STARD13: variants seen among roughly 807,000 people sequenced by gnomAD.
The protein encoded by STARD13 is StAR related lipid transfer domain containing 13.
In STARD13, 62 loss-of-function variants were observed where a neutral mutation model predicts 106.4. The ratio of observed to expected loss-of-function variants is 0.58; its 90% CI spans 0.48 to 0.72. The LOEUF is 0.72. Ranked by LOEUF, STARD13 falls within the 30% of genes least tolerant of loss-of-function variation. The pLI is 0.00. For missense variants in STARD13, 1,387 were observed against 1,424.0 expected (o/e 0.97, Z 0.42); for synonymous variants, 565 against 553.0 (o/e 1.02, Z -0.31).
the STARD13 span, among the ~76,000 whole-genome samples, chr13:33,638,667 T>C: frequency 6.6e-6 from 1 of 152,158 alleles, no homozygotes; most frequent in Non-Finnish European, 1.5e-5. Flanking sequence ...GTCTCTGTTT[T>C]AATGTTAGTG....
chr13:33,274,217 G>A (rs1162705966), intron 1 of STARD13, among the ~76,000 whole-genome samples: 2 of 152,046 alleles, frequency 1.3e-5, no homozygotes, highest in African/African-American at 4.8e-5. Context: ...TAGAGTGTGA[G>A]TATATTTGAA....
intron 11 of STARD13, 39 bp downstream of exon 11, chr13:33,110,647 G>A (rs1874398079): frequency 6.4e-7 from 1 of 1,552,350 alleles, no homozygotes; most frequent in South Asian, 1.1e-5. Context: ...GTTAGCTGTG[G>A]CTTTCTGGGG....
chr13:33,212,327 T>C (rs1887769989), intron 1 of STARD13, among the ~76,000 whole-genome samples: 1 of 152,228 alleles, frequency 6.6e-6, no homozygotes, highest in Admixed American at 6.5e-5. Context: ...GACCAACTGT[T>C]CCTTTAGCAT....
upstream of STARD13, among the ~76,000 whole-genome samples, chr13:33,352,591 C>T (rs1325143572): frequency 5.3e-5 from 8 of 152,214 alleles, no homozygotes; most frequent in Non-Finnish European, 8.8e-5. Context: ...TTGTTTAGTT[C>T]TGGCTGTTGG....
At chr13:33,150,302 GCCTAGTACAGGCCCTGGCT>G (rs1881104557) in intron 3 of STARD13, among the ~76,000 whole-genome samples, 1 of 152,188 alleles carries the variant, frequency 6.6e-6, no homozygotes, top group Non-Finnish European at 1.5e-5. Context: ...CATTCTTCAT[GCCTAGTACAGGCCCTGGCT>G]CAGAGCCAAT....
At chr13:33,113,050 A>G in intron 8 of STARD13, 119 bp from the exon 9 acceptor site, 2 of 688,002 alleles carry the variant, frequency 2.9e-6, no homozygotes, top group African/African-American at 3.6e-5. Context: ...TCATCAACAA[A>G]AACAACCAGA....
At chr13:33,596,304 A>G in the STARD13 span, among the ~76,000 whole-genome samples, 8 of 152,208 alleles carry the variant, frequency 5.3e-5, no homozygotes, top group Non-Finnish European at 1.0e-4. Flanking sequence ...TCCTTATAAA[A>G]AGTATTAAAT....
At chr13:33,299,235 G>A (rs556949992) in intron 1 of STARD13, among the ~76,000 whole-genome samples, 15 of 152,232 alleles carry the variant, frequency 9.9e-5, no homozygotes, top group Non-Finnish European at 1.9e-4. Context: ...CAAAATCACC[G>A]AATGATGAAT....
chr13:33,348,714 T>C (rs2078041151), exon 2 of STARD13: 1 of 168,342 alleles, frequency 5.9e-6, no homozygotes, highest in Non-Finnish European at 1.3e-5. Flanking sequence ...AAGTTACTAA[T>C]TGTTATTAAT....
At chr13:33,629,510 C>A in the STARD13 span, among the ~76,000 whole-genome samples, 1 of 152,100 alleles carries the variant, frequency 6.6e-6, no homozygotes, top group Non-Finnish European at 1.5e-5. Context: ...CATAAATATT[C>A]AAATGATTCA....
the STARD13 span, among the ~76,000 whole-genome samples, chr13:33,635,773 A>C: frequency 1.3e-5 from 2 of 151,854 alleles, no homozygotes; most frequent in East Asian, 3.9e-4. Flanking sequence ...ACTTGAGGTC[A>C]GGAGTTCAAG....
the STARD13 span, among the ~76,000 whole-genome samples, chr13:33,546,988 A>C: frequency 6.6e-6 from 1 of 152,202 alleles, no homozygotes; most frequent in Non-Finnish European, 1.5e-5. Context: ...AAAATGTTGA[A>C]ATATATTTAA....
downstream of STARD13, among the ~76,000 whole-genome samples, chr13:33,343,704 T>C (rs113319911): frequency 8.6e-3 from 1,300 of 151,772 alleles, 20 homozygotes; most frequent in African/African-American, 0.03. Flanking sequence ...TCCATTTCTA[T>C]CACTATCACC....
chr13:33,262,546 G>T (rs1426813463), intron 1 of STARD13, among the ~76,000 whole-genome samples: 1 of 152,010 alleles, frequency 6.6e-6, no homozygotes, highest in African/African-American at 2.4e-5. Context: ...TTTGCAGGAG[G>T]AGAAAACAAT....
At chr13:33,365,623 C>T in the STARD13 span, among the ~76,000 whole-genome samples, 1 of 152,144 alleles carries the variant, frequency 6.6e-6, no homozygotes, top group Non-Finnish European at 1.5e-5. Context: ...CATCAAAGGG[C>T]TTTGTGGATG....
the STARD13 span, among the ~76,000 whole-genome samples, chr13:33,506,442 G>A: frequency 6.6e-6 from 1 of 152,160 alleles, no homozygotes; most frequent in African/African-American, 2.4e-5. Flanking sequence ...GCTTTCAAGA[G>A]AAAATTAGAA....
upstream of STARD13, chr13:33,350,728 G>A (rs1311557907): frequency 2.3e-6 from 2 of 876,610 alleles, no homozygotes; most frequent in South Asian, 4.9e-5. Flanking sequence ...TCCCTCCCCT[G>A]CCCTCCCCCT....
In STARD13 at chr13:33,111,763, G is replaced by A. The variant is rs781104722; in HGVS notation, c.2607+15C>T. 1.2e-5 allele frequency: 19 copies of A among 1,567,918 alleles called. No individual in the cohort carries two copies. The highest frequency in any genetic ancestry group is 2.2e-5 in the South Asian group (2 of 90,172). On this transcript the variant is annotated intron_variant, in intron 10 of 13. Coordinates refer to ENST00000336934, the MANE Select transcript of STARD13 (RefSeq NM_178006.4). ...AGAGCTACTAGGGAGGCGGAGGTTC[G>A]AGCCTTTTGCTCACCTCAAAAAGTC...
the STARD13 span, among the ~76,000 whole-genome samples, chr13:33,543,008 C>T: frequency 1.4e-4 from 21 of 152,236 alleles, no homozygotes; most frequent in African/African-American, 4.6e-4. Flanking sequence ...GAAGCGGAAG[C>T]TGCCTGTAGG....
Sources: allele counts gnomAD v4.1 joint callset (sites outside exome capture counted in the v4.1 genomes callset), GRCh38; gene constraint gnomAD v4.1.1; transcripts MANE v1.5; gene names NCBI Gene and HGNC (gene_info 2026-07-23, HGNC 2026-07-21).